CSMD1: variants seen among roughly 807,000 people sequenced by gnomAD.
The protein encoded by CSMD1 is CUB and sushi domain-containing protein 1.
A neutral mutation model predicts 417.5 loss-of-function variants in CSMD1; 213 were observed. The ratio of observed to expected loss-of-function variants is 0.51; its 90% CI spans 0.46 to 0.57. The LOEUF (loss-of-function observed/expected upper bound fraction) is 0.57, where lower values mean the gene tolerates loss of function less well. Among genes scored for constraint, CSMD1 ranks in the 20% least tolerant of loss-of-function variants. CSMD1 has a pLI of 0.00. For synonymous variants in CSMD1, 2,862 were observed against 1,736.8 expected, an observed-to-expected ratio of 1.65 and a Z score of -16.11; for missense variants, 6,923 against 4,529.7, an observed-to-expected ratio of 1.53 and a Z score of -15.17.
intron 48 of CSMD1, among the ~76,000 whole-genome samples, chr8:3,088,984 C>T (rs1041391713): frequency 6.6e-6 from 1 of 152,098 alleles, no homozygotes; most frequent in Admixed American, 6.5e-5. Flanking sequence ...TCCAATAAGG[C>T]TCCGTTTTCT....
At chr8:4,838,680 A>T (rs1800650332) in intron 1 of CSMD1, among the ~76,000 whole-genome samples, 1 of 152,214 alleles carries the variant, frequency 6.6e-6, no homozygotes, top group Non-Finnish European at 1.5e-5. Context: ...AAGCATTTAT[A>T]AGAGACCTTT....
chr8:4,935,603 C>T (rs117800860), intron 1 of CSMD1, among the ~76,000 whole-genome samples: 3,501 of 152,234 alleles, frequency 0.023, 44 homozygotes, highest in Middle Eastern at 0.082. Context: ...AGCCTATTTT[C>T]ATTTGCTCTC....
chr8:3,336,780 G>A (rs961358119), intron 23 of CSMD1, among the ~76,000 whole-genome samples: 6 of 152,126 alleles, frequency 3.9e-5, no homozygotes, highest in Non-Finnish European at 7.4e-5. Flanking sequence ...TGCATCGCTG[G>A]CCCTGGGCTG....
At chr8:3,692,381 G>C (rs1160416538) in intron 7 of CSMD1, among the ~76,000 whole-genome samples, 1 of 152,102 alleles carries the variant, frequency 6.6e-6, no homozygotes. Flanking sequence ...GCTTTCTGTG[G>C]AGCTTGTCAC....
At chr8:3,889,385 AT>A (rs932858072) in intron 5 of CSMD1, among the ~76,000 whole-genome samples, 1 of 145,202 alleles carries the variant, frequency 6.9e-6, no homozygotes, top group African/African-American at 2.5e-5. Flanking sequence ...AAATTTTAAT[AT>A]TTTTTACTAA....
intron 5 of CSMD1, among the ~76,000 whole-genome samples, chr8:3,776,467 C>G (rs1206555530): frequency 2.6e-5 from 4 of 152,186 alleles, no homozygotes; most frequent in African/African-American, 9.6e-5. Context: ...ACTCACACAC[C>G]TAGCTGTGGC....
chr8:3,330,941 T>C (rs1806850221), intron 23 of CSMD1, among the ~76,000 whole-genome samples: 2 of 152,186 alleles, frequency 1.3e-5, no homozygotes, highest in African/African-American at 4.8e-5. Context: ...TTAAATAAAA[T>C]ATTTCAAATA....
At chr8:4,830,110 G>A (rs1421543135) in intron 1 of CSMD1, among the ~76,000 whole-genome samples, 3 of 152,092 alleles carry the variant, frequency 2.0e-5, no homozygotes, top group Non-Finnish European at 2.9e-5. Context: ...TACATTCTTG[G>A]AAACTCAGTT....
chr8:3,138,503 T>G (rs1197231264), intron 41 of CSMD1, among the ~76,000 whole-genome samples: 1 of 152,296 alleles, frequency 6.6e-6, no homozygotes, highest in Non-Finnish European at 1.5e-5. Flanking sequence ...AGAGATTTGG[T>G]GGGAATGCTC....
intron 1 of CSMD1, among the ~76,000 whole-genome samples, chr8:4,699,084 C>A (rs913903838): frequency 6.6e-6 from 1 of 152,126 alleles, no homozygotes; most frequent in Non-Finnish European, 1.5e-5. Flanking sequence ...AGATGTCCTG[C>A]TAGAGTTTGA....
intron 3 of CSMD1, among the ~76,000 whole-genome samples, chr8:4,171,117 C>T (rs1364382667): frequency 6.6e-6 from 1 of 151,834 alleles, no homozygotes; most frequent in East Asian, 1.9e-4. Flanking sequence ...CCCTTCAGCA[C>T]ACAAAGGTGA....
chr8:4,070,932 G>C (rs141896000), intron 3 of CSMD1, among the ~76,000 whole-genome samples: 6 of 152,106 alleles, frequency 3.9e-5, no homozygotes, highest in Non-Finnish European at 8.8e-5. Flanking sequence ...TTCTATGGAT[G>C]GCCTCCATGG....
intron 21 of CSMD1, among the ~76,000 whole-genome samples, chr8:3,352,093 A>T (rs1355387759): frequency 2.0e-5 from 3 of 152,112 alleles, no homozygotes; most frequent in Admixed American, 6.6e-5. Context: ...CTAGTGCTTC[A>T]TGAGTCCACT....
chr8:4,209,712 T>C (rs368177743), intron 3 of CSMD1, among the ~76,000 whole-genome samples: 3 of 152,268 alleles, frequency 2.0e-5, no homozygotes, highest in East Asian at 1.9e-4. Context: ...GCAACTTTTA[T>C]TGACTGAAGC....
intron 3 of CSMD1, among the ~76,000 whole-genome samples, chr8:4,414,921 T>G (rs1395963741): frequency 6.6e-6 from 1 of 152,174 alleles, no homozygotes; most frequent in Non-Finnish European, 1.5e-5. Flanking sequence ...CAGAATTCAT[T>G]TAATCCATGT....
At chr8:4,766,915 G>C (rs924842254) in intron 1 of CSMD1, among the ~76,000 whole-genome samples, 3 of 152,034 alleles carry the variant, frequency 2.0e-5, no homozygotes, top group Non-Finnish European at 2.9e-5. Flanking sequence ...TGAAGATTAG[G>C]CCCTATTAAA....
rs1396591610 is a variant in CSMD1, at chr8:4,402,821, C to CTTTT, written c.415+17128_415+17131dup. ...TTTTCTTTTTTTTTTTTTTTTTTTT[C>CTTTT]TTTTTTTTTTTTTTTTGGAGACAGA... On this transcript the variant is annotated intron_variant, in intron 3 of 69. Transcript: ENST00000635120. Among the ~76,000 whole-genome samples the CTTTT allele has an allele frequency of 1.1e-4, 7 of 66,378 alleles. No homozygotes were observed. In the East Asian group the frequency reaches 1.8e-3, roughly 17 times the overall value. The allele number at this position is 66,378 out of a possible 152,430, so 43.5% of individuals were successfully genotyped here. A position where few individuals can be genotyped will look rare whatever the true frequency, so the allele number is the denominator to read the frequency against.
intron 1 of CSMD1, among the ~76,000 whole-genome samples, chr8:4,654,891 A>G (rs1295567113): frequency 1.3e-5 from 2 of 152,228 alleles, no homozygotes; most frequent in East Asian, 3.9e-4. Flanking sequence ...AAAACTACCT[A>G]TTATACATTA....
At chr8:3,313,439 A>T (rs932030026) in intron 23 of CSMD1, among the ~76,000 whole-genome samples, 14 of 152,344 alleles carry the variant, frequency 9.2e-5, no homozygotes, top group Admixed American at 4.6e-4. Context: ...ACCCCATCAA[A>T]AAGTGGGTGA....
Sources: allele counts gnomAD v4.1 joint callset (sites outside exome capture counted in the v4.1 genomes callset), GRCh38; gene constraint gnomAD v4.1.1; transcripts MANE v1.5; gene names NCBI Gene and HGNC (gene_info 2026-07-23, HGNC 2026-07-21).